The following ZNF462 variants were observed in gnomAD, a reference collection of about 807,000 sequenced individuals.
ZNF462 encodes the protein zinc finger PBX1-interacting protein.
ZNF462 carries 10 observed loss-of-function variants against 201.9 expected under a neutral mutation model. That is an observed-to-expected ratio of 0.05 (90% CI 0.03 to 0.08). The LOEUF is 0.08. Ranked by LOEUF, ZNF462 falls within the 10% of genes least tolerant of loss-of-function variation. The probability of loss-of-function intolerance (pLI) is 1.00; values close to 1 mark genes in which losing one functional copy is unlikely to be tolerated. For missense variants in ZNF462, 2,523 were observed against 3,168.3 expected, an observed-to-expected ratio of 0.80 and a Z score of 4.89; for synonymous variants, 1,227 against 1,193.3, an observed-to-expected ratio of 1.03 and a Z score of -0.58.
chr9:106,942,213 C>T (rs1046031813), intron 7 of ZNF462, among the ~76,000 whole-genome samples: 1 of 152,208 alleles, frequency 6.6e-6, no homozygotes, highest in Non-Finnish European at 1.5e-5. Flanking sequence ...CAAATGCTTG[C>T]CGTCTTGAGA....
Position 106,872,680 on chromosome 9 carries a change from A to C in ZNF462, c.-31+9325A>C, listed in dbSNP as rs1827645571. Among the ~76,000 whole-genome samples, 1 of 152,162 alleles carries C rather than the reference A, an allele frequency of 6.6e-6. No homozygotes were observed. Among genetic ancestry groups the C allele is most frequent in the South Asian group, 2.1e-4 (1 of 4,826 alleles). Reference sequence around the variant, plus strand: ...GCCCGGCCTCAGAAAAGACCATTTTAATTTAAATATCGGAGTTCAGTTGCA... The same window carrying C: ...GCCCGGCCTCAGAAAAGACCATTTTCATTTAAATATCGGAGTTCAGTTGCA... On this transcript the variant is annotated intron_variant, in intron 1 of 12. Coordinates refer to ENST00000277225, the MANE Select transcript of ZNF462 (RefSeq NM_021224.6). This position sits in a 1 kb window ranked among gnomAD's most constrained non-coding sequence, Gnocchi z 4.5.
intron 10 of ZNF462, among the ~76,000 whole-genome samples, chr9:106,994,819 A>G (rs1828575937): frequency 6.6e-6 from 1 of 152,122 alleles, no homozygotes; most frequent in South Asian, 2.1e-4. Flanking sequence ...ACCATCCACT[A>G]AACTCCCCAG....
rs1469816539 is a variant in ZNF462 at position 106,885,830 on chromosome 9, C to T, written c.-31+22475C>T. On this transcript the variant is annotated intron_variant, in intron 1 of 12. Transcript: ENST00000277225. This position sits in a 1 kb window ranked among gnomAD's most constrained non-coding sequence, Gnocchi z 4.1. ...GAGGACTGCTTGATGTTTTGGAGCC[C>T]ACCTGATTCTTAAGAGTTTCCAGTT... 3.9e-5 allele frequency among the ~76,000 whole-genome samples: 6 copies of T among 152,248 alleles called. No homozygotes were observed. In the East Asian group the frequency reaches 1.2e-3, roughly 29 times the overall value.
At chr9:106,875,861 GAAC>G (rs1827808081) in intron 1 of ZNF462, among the ~76,000 whole-genome samples, 1 of 152,130 alleles carries the variant, frequency 6.6e-6, no homozygotes. Context: ...GAGCAACTAA[GAAC>G]AACTAGGAAC....
At position 106,963,550 on chromosome 9, in the gene ZNF462, C is replaced by T. The variant is rs1429887679; in HGVS notation, c.6428-8455C>T. Reference sequence around the variant, plus strand: ...TGCCTTGTGTGCCTGTATAGCACGGCTGTCCACAAATTCAATCTAATGGAT... The same window carrying T: ...TGCCTTGTGTGCCTGTATAGCACGGTTGTCCACAAATTCAATCTAATGGAT... On this transcript the variant is annotated intron_variant, in intron 7 of 12. Coordinates refer to ENST00000277225, the MANE Select transcript of ZNF462 (RefSeq NM_021224.6). The surrounding 1 kb of genome is among the most constrained non-coding windows in gnomAD (Gnocchi z 4.7). Among the ~76,000 whole-genome samples, 2 of 152,060 alleles carry T rather than the reference C, an allele frequency of 1.3e-5. No homozygotes were observed. The highest frequency in any genetic ancestry group is 2.9e-5 in the Non-Finnish European group (2 of 67,980).
rs1829469721 is a variant in ZNF462 at position 107,005,290 on chromosome 9, G to A, written c.7189+1864G>A. The stretch of plus-strand genomic sequence containing the variant: ...TTTTAACTGATTGAGGAACCTCCAT[G>A]CTGTTTCCATAACGGGTGTACTAAT... On this transcript the variant is annotated intron_variant, in intron 11 of 12. Coordinates refer to ENST00000277225, the MANE Select transcript of ZNF462 (RefSeq NM_021224.6). This position sits in a 1 kb window ranked among gnomAD's most constrained non-coding sequence, Gnocchi z 4.4. 6.6e-6 allele frequency among the ~76,000 whole-genome samples: 1 copy of A among 152,136 alleles called. No homozygotes were observed. Among genetic ancestry groups the A allele is most frequent in the Admixed American group, 6.5e-5 (1 of 15,268 alleles).
At chr9:106,987,967 G>A (rs1052111190) in intron 10 of ZNF462, among the ~76,000 whole-genome samples, 5 of 152,072 alleles carry the variant, frequency 3.3e-5, no homozygotes, top group African/African-American at 1.2e-4. Context: ...AGATCAATTG[G>A]CTATAAGTAT....
chr9:106,946,814 A>AAAAAT (rs770753627), intron 7 of ZNF462, among the ~76,000 whole-genome samples: 1 of 152,072 alleles, frequency 6.6e-6, no homozygotes, highest in South Asian at 2.1e-4. Context: ...ACAAAAATAT[A>AAAAAT]AAAATAAAAT....
chr9:106,974,979 A>T lies in ZNF462; in HGVS notation c.6832+706A>T, dbSNP rs1041890960. On this transcript the variant is annotated intron_variant, in intron 9 of 12. Transcript: ENST00000277225. This position sits in a 1 kb window ranked among gnomAD's most constrained non-coding sequence, Gnocchi z 4.0. ...TGTTGGTTCCTGCTGATAAACAGTGATACTTCTTTTAAGTCCACTTCGGTC... is the reference window on the plus strand; with the variant it reads ...TGTTGGTTCCTGCTGATAAACAGTGTTACTTCTTTTAAGTCCACTTCGGTC... 2 of 152,234 alleles carry T rather than the reference A, an allele frequency of 1.3e-5. No individual in the cohort carries two copies. Among genetic ancestry groups the T allele is most frequent in the African/African-American group, 4.8e-5 (2 of 41,458 alleles). 9.4% of individuals were successfully genotyped at this position (152,234 alleles called of 1,614,324 possible).
At chr9:106,937,729 C>G (rs1830691111) in intron 6 of ZNF462, among the ~76,000 whole-genome samples, 1 of 151,810 alleles carries the variant, frequency 6.6e-6, no homozygotes, top group Non-Finnish European at 1.5e-5. Context: ...TTTGTATTTA[C>G]TTTTATTTTT....
intron 10 of ZNF462, among the ~76,000 whole-genome samples, chr9:106,991,493 T>C (rs1191267742): frequency 6.6e-6 from 1 of 151,896 alleles, no homozygotes; most frequent in East Asian, 1.9e-4. Context: ...CAACATAATC[T>C]CTATCAAAAT....
In ZNF462 at chr9:106,927,252, T is replaced by C; in HGVS notation, c.3340T>C (p.Tyr1114His). 6.4e-7 allele frequency: 1 copy of C among 1,560,360 alleles called. No individual in the cohort carries two copies. The highest frequency in any genetic ancestry group is 8.7e-7 in the Non-Finnish European group (1 of 1,149,714). The change falls in exon 3 of 13, where the codon TAC (tyrosine) becomes CAC (histidine). Residue 1114 changes from tyrosine to histidine, a missense_variant. By Grantham distance (83) the Tyr-to-His change is moderately conservative (BLOSUM62 2). Coordinates refer to ENST00000277225, the MANE Select transcript of ZNF462 (RefSeq NM_021224.6). ...GCCACCAGACCTCAGTACTGAGCTT[T>C]ACTACTGCAAACACTGTTCCTACAG... ...PPPPDLSTEL[Y>H]YCKHCSYSNR... is the part of the protein sequence containing the mutation.
intron 7 of ZNF462, among the ~76,000 whole-genome samples, chr9:106,959,475 A>C (rs376338375): frequency 5.0e-4 from 76 of 152,056 alleles, no homozygotes; most frequent in African/African-American, 1.7e-3. Context: ...CCTTGGAAGC[A>C]CTCACTATGT....
chr9:106,934,735 A>G (rs1186744397), intron 5 of ZNF462, among the ~76,000 whole-genome samples: 1 of 152,208 alleles, frequency 6.6e-6, no homozygotes, highest in East Asian at 1.9e-4. Flanking sequence ...TGGAGTGCTG[A>G]TACAAATTAG....
chr9:106,888,693 C>G (rs1828439723), intron 1 of ZNF462, among the ~76,000 whole-genome samples: 1 of 152,158 alleles, frequency 6.6e-6, no homozygotes, highest in Non-Finnish European at 1.5e-5. Context: ...ACCGTATTAG[C>G]TAATAATGAG....
chr9:106,874,381 G>A (rs1221024445), intron 1 of ZNF462, among the ~76,000 whole-genome samples: 1 of 152,146 alleles, frequency 6.6e-6, no homozygotes, highest in African/African-American at 2.4e-5. Flanking sequence ...ACCTACCCAG[G>A]CTACCCTCAG....
At position 107,006,849 on chromosome 9, in the gene ZNF462, A is replaced by G. The variant is rs2132716020; in HGVS notation, c.7190-2696A>G. ...ATACATGGACAAATAAAACATCCTT[A>G]CCATATAGGTTGATTGTTCTTATAA... On this transcript the variant is annotated intron_variant, in intron 11 of 12. Transcript: ENST00000277225. The surrounding 1 kb of genome is among the most constrained non-coding windows in gnomAD (Gnocchi z 4.3). 6.6e-6 allele frequency among the ~76,000 whole-genome samples: 1 copy of G among 152,286 alleles called. No homozygotes were observed. The highest frequency in any genetic ancestry group is 1.9e-4 in the East Asian group (1 of 5,184).
At chr9:106,980,711 A>G (rs1257010395) in intron 9 of ZNF462, among the ~76,000 whole-genome samples, 2 of 152,134 alleles carry the variant, frequency 1.3e-5, no homozygotes, top group Admixed American at 6.5e-5. Context: ...GAGTAGGAGG[A>G]GATGAGAGAC....
At chr9:106,922,780 C>A (rs568385769) in intron 1 of ZNF462, among the ~76,000 whole-genome samples, 3 of 152,018 alleles carry the variant, frequency 2.0e-5, no homozygotes, top group Admixed American at 1.3e-4. Flanking sequence ...AAGAGAGGTG[C>A]ACCCCAATAT....
Sources: allele counts gnomAD v4.1 joint callset (sites outside exome capture counted in the v4.1 genomes callset), GRCh38; gene constraint gnomAD v4.1.1; non-coding constraint Gnocchi (gnomAD v3.1); transcripts MANE v1.5; gene names NCBI Gene and HGNC (gene_info 2026-07-23, HGNC 2026-07-21).